Variants in COG5 observed in about 807,000 individuals in gnomAD.
The protein encoded by COG5 is conserved oligomeric Golgi complex subunit 5.
A neutral mutation model predicts 110.4 loss-of-function variants in COG5; 86 were observed. The observed-to-expected ratio is 0.78, with a 90% CI of 0.65 to 0.93. The LOEUF (loss-of-function observed/expected upper bound fraction) is 0.93. COG5 is among the 40% of genes least tolerant of loss of function. The pLI is 0.00. For missense variants in COG5, 1,077 were observed against 987.0 expected, an observed-to-expected ratio of 1.09 and a Z score of -1.22; for synonymous variants, 360 against 334.6, an observed-to-expected ratio of 1.08 and a Z score of -0.83.
intron 14 of COG5, among the ~76,000 whole-genome samples, chr7:107,267,672 G>C (rs910815587): frequency 6.6e-6 from 1 of 152,136 alleles, no homozygotes; most frequent in Non-Finnish European, 1.5e-5. Context: ...AAAAAAGAAT[G>C]ACAGTTTATT....
chr7:107,208,390 A>T, intron 21 of COG5: 1 of 985,480 alleles, frequency 1.0e-6, no homozygotes, highest in Non-Finnish European at 1.2e-6. Flanking sequence ...TGTGATGTAC[A>T]CACAGCAGGA....
At chr7:107,295,576 T>C (rs1244211407) in intron 12 of COG5, among the ~76,000 whole-genome samples, 1 of 152,144 alleles carries the variant, frequency 6.6e-6, no homozygotes, top group African/African-American at 2.4e-5. Flanking sequence ...TTCTCTCCAC[T>C]GGCTACTTCC....
rs1164377545 is a variant in COG5 at position 107,210,314 on chromosome 7, G to A, written c.2375+212C>T. 3.5e-6 allele frequency: 5 copies of A among 1,427,002 alleles called. No homozygotes were observed. In the South Asian group the frequency reaches 4.6e-5, roughly 13 times the overall value. 88.4% of individuals were successfully genotyped at this position (1,427,002 alleles called of 1,614,324 possible). On this transcript the variant is annotated intron_variant, in intron 21 of 21. Transcript: ENST00000297135. ...CAGGATTGCACATCAGGGATATGAA[G>A]GTTTGGAATGAAAGAAAGCAAAAGA...
At chr7:107,509,752 T>C (rs1442458084) in intron 6 of COG5, among the ~76,000 whole-genome samples, 1 of 152,142 alleles carries the variant, frequency 6.6e-6, no homozygotes, top group East Asian at 1.9e-4. Context: ...TTCAACATTC[T>C]TAAAGAAAAG....
chr7:107,415,395 G>C (rs964825063), intron 6 of COG5, among the ~76,000 whole-genome samples: 4 of 152,060 alleles, frequency 2.6e-5, no homozygotes, highest in African/African-American at 9.7e-5. Context: ...CCAGGAAGAA[G>C]GCAGAGCATT....
intron 16 of COG5, among the ~76,000 whole-genome samples, chr7:107,256,125 A>T (rs911069095): frequency 1.3e-5 from 2 of 152,158 alleles, no homozygotes; most frequent in South Asian, 4.1e-4. Context: ...TTGTTTATGC[A>T]ATTTCCTAAA....
intron 6 of COG5, among the ~76,000 whole-genome samples, chr7:107,467,900 CT>C (rs1294821624): frequency 6.6e-6 from 1 of 152,170 alleles, no homozygotes; most frequent in African/African-American, 2.4e-5. Flanking sequence ...ATAAAGAGCA[CT>C]GTCTGTGCTC....
intron 5 of COG5, among the ~76,000 whole-genome samples, chr7:107,532,005 G>C (rs1183313402): frequency 2.0e-5 from 3 of 152,078 alleles, no homozygotes; most frequent in Non-Finnish European, 4.4e-5. Flanking sequence ...CCCCAGACCT[G>C]GAATCAAAGA....
In COG5 at chr7:107,508,525, G is replaced by T. The variant is rs372747234; in HGVS notation, c.538+18712C>A. Among the ~76,000 whole-genome samples, 16 of 152,336 alleles carry T rather than the reference G, an allele frequency of 1.1e-4. No individual in the cohort carries two copies. In the East Asian group the frequency reaches 1.9e-3, roughly 18 times the overall value. Reference sequence around the variant, plus strand: ...AAGGTCCCTGTCTGACAGCTTTGAAGAGAGTAGTGGTTCTTCCACTACGCA... The same window carrying T: ...AAGGTCCCTGTCTGACAGCTTTGAATAGAGTAGTGGTTCTTCCACTACGCA... On this transcript the variant is annotated intron_variant, in intron 6 of 21. Transcript: ENST00000297135.
intron 14 of COG5, among the ~76,000 whole-genome samples, chr7:107,270,688 C>A (rs527520202): frequency 6.6e-6 from 1 of 152,036 alleles, no homozygotes; most frequent in African/African-American, 2.4e-5. Context: ...AAAATATATA[C>A]TACATTTAGT....
At chr7:107,553,420 G>A (rs1456971125) in intron 3 of COG5, among the ~76,000 whole-genome samples, 2 of 152,140 alleles carry the variant, frequency 1.3e-5, no homozygotes, top group African/African-American at 4.8e-5. Flanking sequence ...TGTACATGCT[G>A]AGAATAAGTT....
At position 107,548,298 on chromosome 7, in the gene COG5, A is replaced by G; in HGVS notation, c.327T>C (p.Ala109=). 1 of 1,613,892 alleles carries G rather than the reference A, an allele frequency of 6.2e-7. No homozygotes were observed. The highest frequency in any genetic ancestry group is 8.5e-7 in the Non-Finnish European group (1 of 1,179,778). ...VLQMMQTRIG[A]LQGAVDRIKA... ...AGTACCTATCAACAGCTCCCTGTAA[A>G]GCCCCAATTCTCGTCTGCATCATCT... Residue 109 remains alanine, a synonymous_variant, in exon 4 of 22, where the codon GCT becomes GCC. Coordinates refer to ENST00000297135, the MANE Select transcript of COG5 (RefSeq NM_006348.5).
rs1254148429 is a variant in COG5 at position 107,558,088 on chromosome 7, T to C, written c.122A>G (p.Asp41Gly). The C allele has an allele frequency of 6.2e-7, 1 of 1,613,886 alleles. No homozygotes were observed. The highest frequency in any genetic ancestry group is 8.5e-7 in the Non-Finnish European group (1 of 1,179,890). Reference sequence around the variant, plus strand: ...AGAAGTATAAGTCTTTACATCAAAGTCTTCGTTTAAAAAGTCACTATAACA... The same window carrying C: ...AGAAGTATAAGTCTTTACATCAAAGCCTTCGTTTAAAAAGTCACTATAACA... ...DGCYSDFLNE[D>G]FDVKTYTSQS... Residue 41 changes from aspartate to glycine, a missense_variant, in exon 2 of 22, where the codon GAC becomes GGC. Asp to Gly is a moderately conservative substitution (Grantham distance 94). Transcript: ENST00000297135.
chr7:107,386,922 C>T (rs1412761614), intron 7 of COG5, among the ~76,000 whole-genome samples: 3 of 152,088 alleles, frequency 2.0e-5, no homozygotes, highest in Non-Finnish European at 1.5e-5. Flanking sequence ...CTTACCACCT[C>T]CTTTTCCCTC....
chr7:107,254,764 G>C (rs1056817040), intron 16 of COG5, among the ~76,000 whole-genome samples: 4 of 152,134 alleles, frequency 2.6e-5, no homozygotes, highest in Non-Finnish European at 4.4e-5. Flanking sequence ...TACAGTCTAT[G>C]AGTAATTTCT....
At chr7:107,254,700 A>T (rs991929537) in intron 16 of COG5, among the ~76,000 whole-genome samples, 1 of 152,176 alleles carries the variant, frequency 6.6e-6, no homozygotes, top group African/African-American at 2.4e-5. Context: ...TTAAAAGAAT[A>T]ATCTTTGTTG....
At chr7:107,512,699 GTA>G (rs1563075999) in intron 6 of COG5, among the ~76,000 whole-genome samples, 1 of 151,502 alleles carries the variant, frequency 6.6e-6, no homozygotes, top group Non-Finnish European at 1.5e-5. Context: ...CAAAACAGAG[GTA>G]TAGACCAATG....
intron 6 of COG5, among the ~76,000 whole-genome samples, chr7:107,488,735 T>C (rs1165731643): frequency 1.3e-5 from 2 of 151,964 alleles, no homozygotes; most frequent in Non-Finnish European, 2.9e-5. Flanking sequence ...TAGTACCAAC[T>C]ACTCAAGAGC....
At chr7:107,363,809 G>C (rs539182056) in intron 8 of COG5, among the ~76,000 whole-genome samples, 2 of 152,020 alleles carry the variant, frequency 1.3e-5, no homozygotes, top group Admixed American at 6.6e-5. Flanking sequence ...TACAGAATTA[G>C]CCAGGCATGG....
Sources: gnomAD v4.1 joint callset for allele counts (sites outside exome capture counted in the v4.1 genomes callset) on GRCh38, gnomAD v4.1.1 for gene constraint, MANE v1.5 for transcripts, NCBI Gene and HGNC (gene_info 2026-07-23, HGNC 2026-07-21) for gene names.